ZNF91: variants seen among roughly 807,000 people sequenced by gnomAD.
ZNF91 encodes zinc finger protein 91 (HPF7, HTF10).
A neutral mutation model predicts 12.6 loss-of-function variants in ZNF91; 7 were observed. That is an observed-to-expected ratio of 0.55 (90% CI 0.31 to 1.04). The LOEUF (loss-of-function observed/expected upper bound fraction) is 1.04, where lower values mean the gene tolerates loss of function less well. Among genes scored for constraint, ZNF91 ranks in the 50% least tolerant of loss-of-function variants. The pLI is 0.05. For synonymous variants in ZNF91, 453 were observed against 462.6 expected, an observed-to-expected ratio of 0.98 and a Z score of 0.27; for missense variants, 1,217 against 1,385.4, an observed-to-expected ratio of 0.88 and a Z score of 1.93.
At chr19:23,325,396 C>A (rs295418) in intron 1 of ZNF91, 78,354 of 151,832 alleles carry the variant, frequency 0.52, 21,714 homozygotes, top group East Asian at 0.84. Flanking sequence ...CATACCTGGG[C>A]GTGAGTTCTG....
chr19:23,344,355 A>T (rs1385526800), intron 3 of ZNF91, among the ~76,000 whole-genome samples: 1 of 152,082 alleles, frequency 6.6e-6, no homozygotes, highest in Admixed American at 6.5e-5. Context: ...CGGCCTCCCA[A>T]ATTGCTGGGA....
Position 23,359,418 on chromosome 19 carries a change from T to G in ZNF91, c.3561A>C (p.Lys1187Asn), listed in dbSNP as rs1968611428. The change falls in exon 4 of 4, where the codon AAA becomes AAC. Residue 1187 changes from lysine to asparagine, a missense_variant. By Grantham distance (94) the Lys-to-Asn change is moderately conservative. Around this residue, in one of 2 missense-constraint regions of ZNF91, gnomAD observed 491 missense variants for 489.8 expected, o/e 1.00. Coordinates refer to ENST00000300619, the MANE Select transcript of ZNF91 (RefSeq NM_003430.4). ...EMETILANTV[K>N]PLLY ...TTTGTATTTTTTAGTAGAGAAGGGG[T>G]TTCACTGTGTTAGCCAGGATGGTCT... 8.3e-7 allele frequency: 1 copy of G among 1,210,006 alleles called. No homozygotes were observed. Among genetic ancestry groups the G allele is most frequent in the Non-Finnish European group, 1.2e-6 (1 of 837,172 alleles). 75.0% of individuals were successfully genotyped at this position (1,210,006 alleles called of 1,614,324 possible). A position where few individuals can be genotyped will look rare whatever the true frequency, so the allele number is the denominator to read the frequency against.
At chr19:23,373,385 TAA>T (rs202191141) in intron 3 of ZNF91, among the ~76,000 whole-genome samples, 7,386 of 60,806 alleles carry the variant, frequency 0.12, 382 homozygotes, top group Non-Finnish European at 0.19. Context: ...TATATATATA[TAA>T]ATAAACAGTA....
rs772920019 is a variant in ZNF91 at position 23,361,660 on chromosome 19, C to T, written c.1319G>A (p.Gly440Asp). 1.3e-5 allele frequency: 21 copies of T among 1,613,506 alleles called. No homozygotes were observed. Among genetic ancestry groups the T allele is most frequent in the Non-Finnish European group, 1.8e-5 (21 of 1,179,720 alleles). Residue 440 changes from glycine (G) to aspartate (D), a missense_variant, in exon 4 of 4, where the codon GGC becomes GAC. Gly to Asp is a moderately conservative substitution (Grantham distance 94). Around this residue, in one of 2 missense-constraint regions of ZNF91, gnomAD observed 726 missense variants for 895.5 expected, o/e 0.81. Coordinates refer to ENST00000300619, the MANE Select transcript of ZNF91 (RefSeq NM_003430.4). ...GCTTGAGGACCAGTTAAATGCTTTG[C>T]CACATTCTTCACACTTGTAAGGTTT... ...GEKPYKCEEC[G>D]KAFNWSSSLT...
rs1968861772 is a variant in ZNF91 at position 23,362,691 on chromosome 19, T to C, written c.288A>G (p.Pro96=). The part of the protein sequence containing the change: ...ICPHFPQDFW[P]EQSMEDSFQK... ...GAAAAGAATCTTCCATGCTCTGCTC[T>C]GGCCAAAAGTCTTGAGGAAAATGAG... Residue 96 remains proline, a synonymous_variant, in exon 4 of 4, where the codon CCA becomes CCG. Coordinates refer to ENST00000300619, the MANE Select transcript of ZNF91 (RefSeq NM_003430.4). 2 of 1,496,344 alleles carry C rather than the reference T, an allele frequency of 1.3e-6. No individual in the cohort carries two copies. The highest frequency in any genetic ancestry group is 8.9e-7 in the Non-Finnish European group (1 of 1,126,248). 92.7% of individuals were successfully genotyped at this position (1,496,344 alleles called of 1,614,324 possible).
intron 3 of ZNF91, among the ~76,000 whole-genome samples, chr19:23,367,487 C>G (rs1969062159): frequency 6.6e-6 from 1 of 152,038 alleles, no homozygotes; most frequent in Admixed American, 6.5e-5. Context: ...TCAATACAAC[C>G]AACAGTGGTA....
intron 1 of ZNF91, among the ~76,000 whole-genome samples, chr19:23,393,287 G>A (rs952641656): frequency 1.3e-5 from 2 of 152,062 alleles, no homozygotes; most frequent in Non-Finnish European, 2.9e-5. Flanking sequence ...TTAAAAAAAA[G>A]TGCACCAGGA....
Position 23,359,272 on chromosome 19 carries a change from G to C in ZNF91, c.*131C>G, listed in dbSNP as rs1177979996. The C allele has an allele frequency of 9.6e-6, 4 of 416,120 alleles. No individual in the cohort carries two copies. The highest frequency in any genetic ancestry group is 1.3e-5 in the Non-Finnish European group (3 of 226,660). 25.8% of individuals were successfully genotyped at this position (416,120 alleles called of 1,614,324 possible). On this transcript the variant is annotated 3_prime_UTR_variant, in exon 4 of 4. Coordinates refer to ENST00000300619, the MANE Select transcript of ZNF91 (RefSeq NM_003430.4). ...GAGTCTCGCTCTGTCGCCCAGGCTT[G>C]AGTGCAGTGGCGTGATCTCGGCTCA...
downstream of ZNF91, chr19:23,338,713 A>C (rs1336637884): frequency 6.6e-6 from 1 of 152,208 alleles, no homozygotes; most frequent in East Asian, 1.9e-4. Flanking sequence ...AAAACCTTAC[A>C]TATTAATATT....
intron 1 of ZNF91, among the ~76,000 whole-genome samples, chr19:23,382,876 C>A (rs567811617): frequency 6.6e-6 from 1 of 152,118 alleles, no homozygotes; most frequent in East Asian, 1.9e-4. Context: ...GCCTACCAAC[C>A]AAATAAAGCC....
chr19:23,333,955 C>T (rs1211336110), downstream of ZNF91, among the ~76,000 whole-genome samples: 4 of 152,018 alleles, frequency 2.6e-5, no homozygotes, highest in East Asian at 1.9e-4. Context: ...TACCAGGCTG[C>T]GGAACTATAA....
intron 1 of ZNF91, chr19:23,323,912 CTTTCT>C (rs1320672151): frequency 8.4e-6 from 1 of 118,750 alleles, no homozygotes; most frequent in African/African-American, 3.1e-5. Context: ...TTCTCCACTC[CTTTCT>C]TTTCTCCTCC....
At chr19:23,369,282 C>T (rs1288014264) in intron 3 of ZNF91, among the ~76,000 whole-genome samples, 2 of 151,918 alleles carry the variant, frequency 1.3e-5, no homozygotes, top group Admixed American at 6.6e-5. Context: ...TGCACTCCAC[C>T]CTGGGCGACA....
At chr19:23,380,835 T>C (rs547024744) in intron 1 of ZNF91, 7 of 152,070 alleles carry the variant, frequency 4.6e-5, no homozygotes, top group Non-Finnish European at 8.8e-5. Flanking sequence ...ATGTGGAATC[T>C]ATATAGAAAT....
chr19:23,362,094 T>C lies in ZNF91; in HGVS notation c.885A>G (p.Lys295=), dbSNP rs545488853. The change falls in exon 4 of 4, where the codon AAA becomes AAG. Residue 295 remains lysine (K), a synonymous_variant. Transcript: ENST00000300619. ...KRIHTGEKPY[K]CEECGKAFSH... The stretch of plus-strand genomic sequence containing the variant: ...TAAAAGCTTTGCCACATTCTTCACA[T>C]TTGTAGGGTTTCTCTCCAGTGTGTA... 6 of 1,613,964 alleles carry C rather than the reference T, an allele frequency of 3.7e-6. No individual in the cohort carries two copies. In the East Asian group the frequency reaches 1.3e-4, roughly 36 times the overall value.
intron 3 of ZNF91, among the ~76,000 whole-genome samples, chr19:23,340,473 G>C (rs1314549578): frequency 1.3e-5 from 2 of 152,028 alleles, no homozygotes; most frequent in Non-Finnish European, 2.9e-5. Flanking sequence ...TCCCAAGATA[G>C]AGTCGGGAAG....
rs773271982 is a variant in ZNF91 at position 23,361,808 on chromosome 19, A to C, written c.1171T>G (p.Ser391Ala). Residue 391 changes from serine to alanine, a missense_variant, in exon 4 of 4, where the codon TCA becomes GCA. By Grantham distance (99) the Ser-to-Ala change is moderately conservative. Coordinates refer to ENST00000300619, the MANE Select transcript of ZNF91 (RefSeq NM_003430.4). ...ATTATTTTATGTTTAGTAAGGGTTG[A>C]GAGTCGCTTAAAAGCTTTGTCACAT... is the stretch of plus-strand genomic sequence containing the variant. ...KECDKAFKRL[S>A]TLTKHKIIHA... 2.5e-6 allele frequency: 4 copies of C among 1,608,960 alleles called. No homozygotes were observed. Among genetic ancestry groups the C allele is most frequent in the Non-Finnish European group, 3.4e-6 (4 of 1,176,250 alleles).
chr19:23,318,315 C>T (rs929348389), intron 1 of ZNF91, among the ~76,000 whole-genome samples: 1 of 151,868 alleles, frequency 6.6e-6, no homozygotes, highest in African/African-American at 2.4e-5. Context: ...ATCTCTGCAT[C>T]CATTACCTAG....
chr19:23,340,945 C>T (rs1968111405), intron 3 of ZNF91, among the ~76,000 whole-genome samples: 1 of 151,424 alleles, frequency 6.6e-6, no homozygotes, highest in South Asian at 2.1e-4. Flanking sequence ...ATAAAGAATT[C>T]TATTGACAAT....
Sources: gnomAD v4.1 joint callset for allele counts (sites outside exome capture counted in the v4.1 genomes callset) on GRCh38, gnomAD v4.1.1 for gene constraint, gnomAD v4.1.1 regional missense constraint, MANE v1.5 for transcripts, NCBI Gene and HGNC (gene_info 2026-07-23, HGNC 2026-07-21) for gene names.